Variants in DSCAM observed in about 807,000 individuals in gnomAD.
The protein encoded by DSCAM is cell adhesion molecule DSCAM.
A neutral mutation model predicts 217.7 loss-of-function variants in DSCAM; 47 were observed. The observed-to-expected ratio is 0.22, with a 90% CI of 0.17 to 0.28. DSCAM has a LOEUF of 0.28. Among genes scored for constraint, DSCAM ranks in the 10% least tolerant of loss-of-function variants. The probability of loss-of-function intolerance (pLI) is 1.00; values close to 1 mark genes in which losing one functional copy is unlikely to be tolerated. For missense variants in DSCAM, 2,080 were observed against 2,618.3 expected (o/e 0.79, Z 4.49); for synonymous variants, 1,056 against 1,015.3 (o/e 1.04, Z -0.76).
chr21:40,536,064 T>C (rs1387798693), intron 3 of DSCAM, among the ~76,000 whole-genome samples: 1 of 152,176 alleles, frequency 6.6e-6, no homozygotes, highest in Non-Finnish European at 1.5e-5. Context: ...ACATCACATC[T>C]CTGAATGGTG....
chr21:40,211,282 TTTG>T (rs761870688), intron 11 of DSCAM, among the ~76,000 whole-genome samples: 85 of 152,258 alleles, frequency 5.6e-4, no homozygotes, highest in African/African-American at 1.7e-3. Context: ...AAACATTCAT[TTTG>T]TTGTTGTTGT....
intron 10 of DSCAM, among the ~76,000 whole-genome samples, chr21:40,286,483 C>G (rs947603275): frequency 2.0e-5 from 3 of 152,272 alleles, no homozygotes; most frequent in Admixed American, 6.5e-5. Flanking sequence ...CCTTGGAGGA[C>G]CTGAAAACTC....
At chr21:40,273,725 G>C (rs1411770580) in intron 11 of DSCAM, among the ~76,000 whole-genome samples, 1 of 152,116 alleles carries the variant, frequency 6.6e-6, no homozygotes, top group Non-Finnish European at 1.5e-5. Context: ...CAGTTCTAAG[G>C]CTGGAAGTCT....
chr21:40,745,236 G>A (rs994849296), intron 1 of DSCAM, among the ~76,000 whole-genome samples: 2 of 152,122 alleles, frequency 1.3e-5, no homozygotes, highest in African/African-American at 4.8e-5. Context: ...TAGAAAGCAT[G>A]TTTAAGGAAA....
At chr21:40,244,451 C>CA (rs2073195029) in intron 11 of DSCAM, among the ~76,000 whole-genome samples, 1 of 139,216 alleles carries the variant, frequency 7.2e-6, no homozygotes, top group African/African-American at 2.7e-5. Context: ...ACTCCGTCTC[C>CA]GGAAAAAAAA....
At chr21:40,023,017 C>T (rs1343308862) in intron 32 of DSCAM, among the ~76,000 whole-genome samples, 1 of 148,580 alleles carries the variant, frequency 6.7e-6, no homozygotes, top group Non-Finnish European at 1.5e-5. Context: ...TGCTATCCCT[C>T]TCCCCTCCCC....
chr21:40,697,142 T>C (rs12152040), intron 2 of DSCAM, among the ~76,000 whole-genome samples: 20,405 of 152,132 alleles, frequency 0.13, 1,454 homozygotes, highest in Admixed American at 0.19. Context: ...AGATCCCATA[T>C]GTGAGTGAAA....
chr21:40,052,891 T>C (rs187024859), intron 29 of DSCAM, among the ~76,000 whole-genome samples: 301 of 152,314 alleles, frequency 2.0e-3, no homozygotes, highest in African/African-American at 7.0e-3. Context: ...GGTCATTATT[T>C]GGTGGGCCAG....
intron 1 of DSCAM, among the ~76,000 whole-genome samples, chr21:40,762,994 T>C (rs2091350562): frequency 1.3e-5 from 2 of 152,180 alleles, no homozygotes; most frequent in African/African-American, 2.4e-5. Flanking sequence ...TCATACTGAA[T>C]GGGCAAAAGC....
intron 11 of DSCAM, among the ~76,000 whole-genome samples, chr21:40,197,204 C>G (rs561084470): frequency 1.3e-5 from 2 of 152,030 alleles, no homozygotes; most frequent in Admixed American, 6.6e-5. Context: ...CTGCAAGCTC[C>G]GCCTCCCGGG....
At chr21:40,448,073 C>T (rs1446586323) in intron 3 of DSCAM, among the ~76,000 whole-genome samples, 1 of 152,150 alleles carries the variant, frequency 6.6e-6, no homozygotes, top group Non-Finnish European at 1.5e-5. Context: ...TGGAAATCAA[C>T]TGTGTTTTAT....
intron 3 of DSCAM, among the ~76,000 whole-genome samples, chr21:40,371,761 G>A (rs1448642175): frequency 6.6e-6 from 1 of 152,188 alleles, no homozygotes; most frequent in Non-Finnish European, 1.5e-5. Context: ...CAGGAATGAA[G>A]GAGTTGACAT....
At chr21:40,508,901 T>C (rs1316488591) in intron 3 of DSCAM, among the ~76,000 whole-genome samples, 2 of 149,176 alleles carry the variant, frequency 1.3e-5, no homozygotes, top group Non-Finnish European at 3.0e-5. Flanking sequence ...CCTCCCAAAG[T>C]GCTGGGATTA....
intron 11 of DSCAM, among the ~76,000 whole-genome samples, chr21:40,243,744 G>A (rs2073184946): frequency 1.3e-5 from 2 of 152,050 alleles, no homozygotes; most frequent in South Asian, 2.1e-4. Flanking sequence ...TGCTGAATTC[G>A]GTGAGCATTT....
At chr21:40,123,005 A>G (rs1415331169) in intron 20 of DSCAM, among the ~76,000 whole-genome samples, 1 of 152,242 alleles carries the variant, frequency 6.6e-6, no homozygotes, top group Non-Finnish European at 1.5e-5. Context: ...AACATGGATG[A>G]ACCTTGAGGA....
At chr21:40,210,092 C>G (rs1188196218) in intron 11 of DSCAM, among the ~76,000 whole-genome samples, 6 of 152,172 alleles carry the variant, frequency 3.9e-5, no homozygotes, top group Admixed American at 3.9e-4. Flanking sequence ...TTCTCCACCT[C>G]CCCCATTCCC....
intron 3 of DSCAM, among the ~76,000 whole-genome samples, chr21:40,600,940 CAA>C (rs1350909614): frequency 3.9e-5 from 6 of 152,138 alleles, no homozygotes; most frequent in Admixed American, 3.3e-4. Context: ...TAGTGATTAC[CAA>C]AAGTCTTGAA....
At chr21:40,667,474 C>T (rs2090216633) in intron 3 of DSCAM, among the ~76,000 whole-genome samples, 1 of 152,158 alleles carries the variant, frequency 6.6e-6, no homozygotes. Context: ...CCCAAAGTGT[C>T]TAACTTGGGA....
chr21:40,370,039 A>G (rs2074878446), intron 3 of DSCAM, among the ~76,000 whole-genome samples: 1 of 152,202 alleles, frequency 6.6e-6, no homozygotes, highest in African/African-American at 2.4e-5. Context: ...CTTCAGTTGA[A>G]CAGAAAGGGC....
Sources: gnomAD v4.1 joint callset for allele counts (sites outside exome capture counted in the v4.1 genomes callset) on GRCh38, gnomAD v4.1.1 for gene constraint, MANE v1.5 for transcripts, NCBI Gene and HGNC (gene_info 2026-07-23, HGNC 2026-07-21) for gene names.